Variants in SNUPN observed in about 807,000 individuals in gnomAD.
SNUPN encodes snurportin-1.
In SNUPN, 31 loss-of-function variants were observed where a neutral mutation model predicts 39.2. The observed-to-expected ratio is 0.79, with a 90% CI of 0.59 to 1.07. The LOEUF (loss-of-function observed/expected upper bound fraction) is 1.07. Ranked by LOEUF, SNUPN falls within the 50% of genes least tolerant of loss-of-function variation. The pLI, the probability that SNUPN is intolerant of heterozygous loss-of-function variation, is 0.00. For missense variants in SNUPN, 382 were observed against 434.2 expected (o/e 0.88, Z 1.07); for synonymous variants, 132 against 159.0 (o/e 0.83, Z 1.28).
At chr15:75,610,790 C>G (rs949696104) in intron 3 of SNUPN, among the ~76,000 whole-genome samples, 11 of 152,164 alleles carry the variant, frequency 7.2e-5, no homozygotes, top group Admixed American at 6.5e-4. Flanking sequence ...CGAAACAACG[C>G]CAAACCAAAC....
chr15:75,607,192 C>T (rs759337129), intron 6 of SNUPN, 24 bp downstream of exon 6: 9 of 1,555,736 alleles, frequency 5.8e-6, no homozygotes, highest in Non-Finnish European at 8.0e-6. Flanking sequence ...CAGGAAGAGC[C>T]ACGAGAGGAG....
chr15:75,599,444 GC>G (rs1197006050), intron 8 of SNUPN, among the ~76,000 whole-genome samples: 1 of 152,220 alleles, frequency 6.6e-6, no homozygotes. Flanking sequence ...GGAATGAAAA[GC>G]AGAGGAACTG....
chr15:75,607,820 G>C (rs191330481), intron 5 of SNUPN, among the ~76,000 whole-genome samples: 127 of 152,252 alleles, frequency 8.3e-4, no homozygotes, highest in Non-Finnish European at 1.3e-3. Context: ...GAGAAGGCTG[G>C]AGCAGCAGGA....
chr15:75,598,949 T>C (rs939560864), intron 8 of SNUPN, among the ~76,000 whole-genome samples: 10 of 152,112 alleles, frequency 6.6e-5, no homozygotes, highest in Non-Finnish European at 1.3e-4. Flanking sequence ...GGCAGATTGC[T>C]TGAGCTCAGG....
In SNUPN at chr15:75,607,183, A is replaced by C. The variant is rs376764984; in HGVS notation, c.600+33T>G. On this transcript the variant is annotated intron_variant, in intron 6 of 8. Coordinates refer to ENST00000308588, the MANE Select transcript of SNUPN (RefSeq NM_005701.4). ...CTTTCCCAGGAGGAGAGGAGAAGAC[A>C]GGAAGAGCCACGAGAGGAGGATCCA... The C allele has an allele frequency of 2.4e-4, 357 of 1,493,386 alleles. 1 individual carries two copies. Among genetic ancestry groups the C allele is most frequent in the Middle Eastern group, 1.8e-4 (1 of 5,440 alleles). 92.5% of individuals were successfully genotyped at this position (1,493,386 alleles called of 1,614,324 possible). A position where few individuals can be genotyped will look rare whatever the true frequency, so the allele number is the denominator to read the frequency against.
intron 3 of SNUPN, among the ~76,000 whole-genome samples, chr15:75,613,371 G>A (rs1259037124): frequency 1.3e-5 from 2 of 151,780 alleles, no homozygotes; most frequent in Non-Finnish European, 2.9e-5. Context: ...CAGGCCAGGT[G>A]CAGTGGCTCA....
intron 1 of SNUPN, among the ~76,000 whole-genome samples, chr15:75,621,670 A>C (rs943324093): frequency 1.6e-4 from 25 of 152,080 alleles, no homozygotes; most frequent in South Asian, 4.1e-4. Context: ...CTAAGTGCCA[A>C]CTCATATTAT....
At chr15:75,623,259 C>T (rs1040016521) in intron 1 of SNUPN, among the ~76,000 whole-genome samples, 3 of 152,242 alleles carry the variant, frequency 2.0e-5, no homozygotes, top group Non-Finnish European at 4.4e-5. Flanking sequence ...ATTCTCCTGC[C>T]TCAGCCTCCC....
chr15:75,598,186 C>A lies in SNUPN; in HGVS notation c.*172G>T. The A allele has an allele frequency of 1.7e-6, 1 of 597,442 alleles. No homozygotes were observed. The highest frequency in any genetic ancestry group is 1.9e-5 in the African/African-American group (1 of 54,032). 37.0% of individuals were successfully genotyped at this position (597,442 alleles called of 1,614,324 possible). ...TGAATGCTACGCAATCTGGGAACCT[C>A]CCCATAACTGTTTGAGCCAGCATTT... On this transcript the variant is annotated 3_prime_UTR_variant, in exon 9 of 9. Transcript: ENST00000308588.
intron 3 of SNUPN, 37 bp from the exon 4 acceptor site, chr15:75,610,031 G>A: frequency 6.7e-7 from 1 of 1,490,086 alleles, no homozygotes. Context: ...GATCAGCAGG[G>A]GTGTGCTACT....
rs1892848711 is a variant in SNUPN at position 75,613,476 on chromosome 15, C to T, written c.304-3482G>A. 1.3e-5 allele frequency among the ~76,000 whole-genome samples: 2 copies of T among 151,160 alleles called. 1 individual carries two copies. Among genetic ancestry groups the T allele is most frequent in the South Asian group, 4.2e-4 (2 of 4,804 alleles). ...TGGTCAATACGCTGAAACCCCGTCTCTACTAAAAATACAAAAATTAGCCGG... is the reference window on the plus strand; with the variant it reads ...TGGTCAATACGCTGAAACCCCGTCTTTACTAAAAATACAAAAATTAGCCGG... On this transcript the variant is annotated intron_variant, in intron 3 of 8. Transcript: ENST00000308588.
intron 5 of SNUPN, among the ~76,000 whole-genome samples, chr15:75,609,224 C>T (rs1203872684): frequency 7.1e-6 from 1 of 141,048 alleles, no homozygotes; most frequent in African/African-American, 2.6e-5. Context: ...GCTCTGTCGC[C>T]CAGGCCGGAC....
At chr15:75,611,378 G>C (rs959543739) in intron 3 of SNUPN, among the ~76,000 whole-genome samples, 1 of 149,676 alleles carries the variant, frequency 6.7e-6, no homozygotes, top group Non-Finnish European at 1.5e-5. Flanking sequence ...TCAGCCTCCC[G>C]AGTAGCTGGG....
At chr15:75,598,723 G>A (rs1279131177) in intron 8 of SNUPN, 42 bp from the exon 9 acceptor site, 1 of 1,497,696 alleles carries the variant, frequency 6.7e-7, no homozygotes, top group African/African-American at 1.4e-5. Flanking sequence ...GACTTCTGGG[G>A]CCACATGTTT....
intron 5 of SNUPN, 110 bp from the exon 6 acceptor site, chr15:75,607,423 G>A: frequency 1.4e-6 from 1 of 723,158 alleles, no homozygotes; most frequent in South Asian, 1.5e-5. Context: ...AATCCTCAGT[G>A]CTTGCAGCAG....
intron 3 of SNUPN, among the ~76,000 whole-genome samples, chr15:75,610,912 G>A (rs1156963923): frequency 6.6e-6 from 1 of 152,112 alleles, no homozygotes; most frequent in Non-Finnish European, 1.5e-5. Context: ...GCTCACGCCT[G>A]TAGTCCCAGC....
At chr15:75,608,367 A>T (rs1197729668) in intron 5 of SNUPN, among the ~76,000 whole-genome samples, 1 of 152,162 alleles carries the variant, frequency 6.6e-6, no homozygotes, top group East Asian at 1.9e-4. Flanking sequence ...TGGGCCACAG[A>T]GTGAGACCGT....
intron 1 of SNUPN, among the ~76,000 whole-genome samples, chr15:75,624,316 C>G (rs900296414): frequency 6.6e-6 from 1 of 151,502 alleles, no homozygotes; most frequent in Non-Finnish European, 1.5e-5. Context: ...CTATCATGCA[C>G]TATCTTGGTG....
rs1224336953 is a variant in SNUPN at position 75,601,209 on chromosome 15, C to G, written c.688G>C (p.Val230Leu). The change falls in exon 8 of 9, where the codon GTG becomes CTG. Residue 230 changes from valine (V) to leucine (L), a missense_variant. Physicochemically the swap from Val to Leu is conservative, Grantham distance 32. Coordinates refer to ENST00000308588, the MANE Select transcript of SNUPN (RefSeq NM_005701.4). ...GTGCAAGGGAAGTTCTTTAGCCCCA[C>G]AAATTTAAACTGAAATAGAAATTAG... ...EKTKLNPFKF[V>L]GLKNFPCTPE... The G allele has an allele frequency of 1.2e-6, 2 of 1,609,282 alleles. No homozygotes were observed. Among genetic ancestry groups the G allele is most frequent in the Non-Finnish European group, 1.7e-6 (2 of 1,175,728 alleles).
Sources: gnomAD v4.1 joint callset for allele counts (sites outside exome capture counted in the v4.1 genomes callset) on GRCh38, gnomAD v4.1.1 for gene constraint, MANE v1.5 for transcripts, NCBI Gene and HGNC (gene_info 2026-07-23, HGNC 2026-07-21) for gene names.